MCF2L2: variants seen among roughly 807,000 people sequenced by gnomAD.
MCF2L2 encodes the protein probable guanine nucleotide exchange factor MCF2L2.
MCF2L2 carries 102 observed loss-of-function variants against 150.2 expected under a neutral mutation model. The observed-to-expected ratio is 0.68, with a 90% CI of 0.58 to 0.80. MCF2L2 has a LOEUF of 0.80. Among genes scored for constraint, MCF2L2 ranks in the 30% least tolerant of loss-of-function variants. The pLI, the probability that MCF2L2 is intolerant of heterozygous loss-of-function variation, is 0.00. For synonymous variants in MCF2L2, 465 were observed against 491.3 expected (o/e 0.95, Z 0.71); for missense variants, 1,256 against 1,372.8 (o/e 0.91, Z 1.34).
chr3:183,252,154 A>G lies in MCF2L2; in HGVS notation c.1863-21137T>C, dbSNP rs1041358315. 3.6e-4 allele frequency among the ~76,000 whole-genome samples: 55 copies of G among 151,960 alleles called. 1 individual carries two copies. The highest frequency in any genetic ancestry group is 5.9e-5 in the Non-Finnish European group (4 of 68,018). ...TAGCTCCAAATGATCTGAAAGGAAT[A>G]TAATTGTAATTGAATATTTGCACAG... On this transcript the variant is annotated intron_variant, in intron 15 of 29. Transcript: ENST00000328913.
At chr3:183,185,691 A>T (rs1387157774) in intron 27 of MCF2L2, among the ~76,000 whole-genome samples, 2 of 152,192 alleles carry the variant, frequency 1.3e-5, no homozygotes, top group East Asian at 1.9e-4. Flanking sequence ...AGCTCCCAAC[A>T]GGAGAGAGTT....
At chr3:183,349,832 A>G (rs1390476962) in intron 3 of MCF2L2, among the ~76,000 whole-genome samples, 1 of 151,336 alleles carries the variant, frequency 6.6e-6, no homozygotes, top group Non-Finnish European at 1.5e-5. Flanking sequence ...ACCTGCTTGT[A>G]CCTTGTGGCA....
chr3:183,238,922 C>T (rs1482417093), intron 15 of MCF2L2, among the ~76,000 whole-genome samples: 1 of 139,748 alleles, frequency 7.2e-6, no homozygotes, highest in Non-Finnish European at 1.5e-5. Flanking sequence ...GCGTGGACCC[C>T]GGAGGTGGAG....
intron 13 of MCF2L2, among the ~76,000 whole-genome samples, chr3:183,293,817 A>C (rs1490449578): frequency 1.3e-5 from 2 of 152,204 alleles, no homozygotes; most frequent in Non-Finnish European, 2.9e-5. Flanking sequence ...TCTATATAGA[A>C]ATCTATTCCT....
chr3:183,309,600 G>C, intron 10 of MCF2L2, 116 bp downstream of exon 10: 1 of 1,311,714 alleles, frequency 7.6e-7, no homozygotes. Context: ...TGACTGAAGG[G>C]CAGGACTGGG....
In MCF2L2 at chr3:183,204,621, A is replaced by G. The variant is rs138003674; in HGVS notation, c.2884+1255T>C. ...TTGGAAGTTCCTCAGAAAGTTAACAAAAGTTACCATATGGTCTGGCAATTC... is the reference window on the plus strand; with the variant it reads ...TTGGAAGTTCCTCAGAAAGTTAACAGAAGTTACCATATGGTCTGGCAATTC... On this transcript the variant is annotated intron_variant, in intron 25 of 29. Coordinates refer to ENST00000328913, the MANE Select transcript of MCF2L2 (RefSeq NM_015078.4). Among the ~76,000 whole-genome samples, 456 of 152,330 alleles carry G rather than the reference A, an allele frequency of 3.0e-3. 1 individual carries two copies. The highest frequency in any genetic ancestry group is 4.4e-3 in the Non-Finnish European group (296 of 68,022).
At chr3:183,286,140 C>A (rs1727779776) in intron 14 of MCF2L2, among the ~76,000 whole-genome samples, 2 of 152,168 alleles carry the variant, frequency 1.3e-5, no homozygotes, top group South Asian at 4.1e-4. Context: ...GCAAGGATCA[C>A]CCCTCCAGAA....
chr3:183,425,955 CA>C (rs58526088), intron 1 of MCF2L2, among the ~76,000 whole-genome samples: 9,987 of 138,170 alleles, frequency 0.072, 1,118 homozygotes, highest in African/African-American at 0.24. Flanking sequence ...AACTCCATCT[CA>C]AAAAAAAAAA....
rs556815777 is a variant in MCF2L2 at position 183,275,415 on chromosome 3, C to CA, written c.1862+1456dup. On this transcript the variant is annotated intron_variant, in intron 15 of 29. Transcript: ENST00000328913. Reference sequence around the variant, plus strand: ...GACTGGTGATCTTAAGGTATTTAGTCAAAGCTGGTGGTAGAACAAAAACAG... The same window carrying CA: ...GACTGGTGATCTTAAGGTATTTAGTCAAAAGCTGGTGGTAGAACAAAAACAG... Among the ~76,000 whole-genome samples, 594 of 152,294 alleles carry CA rather than the reference C, an allele frequency of 3.9e-3. 1 individual carries two copies. The highest frequency in any genetic ancestry group is 7.0e-3 in the Non-Finnish European group (477 of 68,012).
chr3:183,398,419 G>A (rs1410061934), intron 1 of MCF2L2, among the ~76,000 whole-genome samples: 1 of 152,128 alleles, frequency 6.6e-6, no homozygotes. Context: ...TCTGACTGAG[G>A]ACAGTGTATT....
At chr3:183,205,233 G>A (rs1722429558) in intron 25 of MCF2L2, among the ~76,000 whole-genome samples, 1 of 152,042 alleles carries the variant, frequency 6.6e-6, no homozygotes, top group South Asian at 2.1e-4. Context: ...ACACAAATTA[G>A]CCAGGCGTGT....
At chr3:183,338,653 T>C (rs1055022384) in intron 5 of MCF2L2, 147 bp downstream of exon 5, 8 of 649,880 alleles carry the variant, frequency 1.2e-5, no homozygotes, top group African/African-American at 9.3e-5. Context: ...CCTGCCTCTA[T>C]GCCTTCACAC....
chr3:183,297,666 T>TCCTTCCTTCCTTCCTTCCTTCCTC (rs1560006949), intron 11 of MCF2L2: 4 of 110,338 alleles, frequency 3.6e-5, no homozygotes, highest in African/African-American at 1.1e-4. Context: ...CTTCCTTCCT[T>TCCTTCCTTCCTTCCTTCCTTCCTC]CCTCTTTCTT....
intron 3 of MCF2L2, among the ~76,000 whole-genome samples, chr3:183,350,284 C>A (rs144534415): frequency 2.4e-4 from 36 of 151,472 alleles, no homozygotes; most frequent in African/African-American, 8.3e-4. Context: ...AGACAACACT[C>A]AGTAATGACT....
chr3:183,279,084 A>G (rs867626588), intron 14 of MCF2L2, among the ~76,000 whole-genome samples: 1 of 152,178 alleles, frequency 6.6e-6, no homozygotes, highest in Middle Eastern at 3.2e-3. Flanking sequence ...TGTTTTATTA[A>G]GGTATAGACA....
At chr3:183,351,190 G>GTGTATATA (rs1491563903) in intron 3 of MCF2L2, among the ~76,000 whole-genome samples, 29 of 38,840 alleles carry the variant, frequency 7.5e-4, no homozygotes, top group African/African-American at 2.2e-3. Flanking sequence ...ATTTTCTTAA[G>GTGTATATA]TATATATATA....
intron 1 of MCF2L2, among the ~76,000 whole-genome samples, chr3:183,404,508 G>A (rs1039791): frequency 1 from 152,295 of 152,370 alleles, 76,110 homozygotes; most frequent in Middle Eastern, 1. Context: ...TGACCAAAAC[G>A]TATTTAAAAA....
chr3:183,389,810 T>C, intron 1 of MCF2L2, 31 bp from the exon 2 acceptor site: 1 of 1,524,002 alleles, frequency 6.6e-7, no homozygotes, highest in Non-Finnish European at 9.1e-7. Flanking sequence ...GTGGGTTAGT[T>C]AAACATGTGC....
chr3:183,378,167 G>A (rs939003796), intron 3 of MCF2L2: 1 of 152,170 alleles, frequency 6.6e-6, no homozygotes, highest in African/African-American at 2.4e-5. Context: ...CTAAATCATA[G>A]AAGGCAGGTG....
Sources: allele counts gnomAD v4.1 joint callset (sites outside exome capture counted in the v4.1 genomes callset), GRCh38; gene constraint gnomAD v4.1.1; transcripts MANE v1.5; gene names NCBI Gene and HGNC (gene_info 2026-07-23, HGNC 2026-07-21).